The following LY6K variants were observed in gnomAD, a reference collection of about 807,000 sequenced individuals.
LY6K encodes the protein lymphocyte antigen 6K.
Under a neutral mutation model 10.4 loss-of-function variants are expected in LY6K, and 9 were observed. That is an observed-to-expected ratio of 0.87 (90% confidence interval 0.52 to 1.52). The LOEUF is 1.52. Among genes scored for constraint, LY6K ranks in the 40% most tolerant of loss-of-function variants. The pLI is 0.00. For missense variants in LY6K, 217 were observed against 211.7 expected (o/e 1.02, Z -0.15); for synonymous variants, 98 against 83.7 (o/e 1.17, Z -0.94).
At position 142,700,365 on chromosome 8, in the gene LY6K, A is replaced by G; in HGVS notation, c.-163A>G. 7.5e-7 allele frequency: 1 copy of G among 1,331,602 alleles called. No individual in the cohort carries two copies. The highest frequency in any genetic ancestry group is 2.8e-4 in the Middle Eastern group (1 of 3,528). 82.5% of individuals were successfully genotyped at this position (1,331,602 alleles called of 1,614,324 possible). A position where few individuals can be genotyped will look rare whatever the true frequency, so the allele number is the denominator to read the frequency against. ...CGCGAGGCCCTGAGATGAGGCTCCA[A>G]AGACCCCGACAGGCCCCGGCGGGTG... On this transcript the variant is annotated 5_prime_UTR_variant, in exon 1 of 3. Coordinates refer to ENST00000292430, the MANE Select transcript of LY6K (RefSeq NM_017527.4).
chr8:142,701,571 TCTG>T, intron 1 of LY6K, 26 bp from the exon 2 acceptor site: 5 of 1,471,706 alleles, frequency 3.4e-6, no homozygotes, highest in Non-Finnish European at 4.8e-6. Flanking sequence ...ACTGGAACAT[TCTG>T]CTTTCTTTTT....
rs1434263765 is a variant in LY6K at position 142,704,609 on chromosome 8, C to G, written c.*1238C>G. 2 of 152,152 alleles carry G rather than the reference C, an allele frequency of 1.3e-5. No individual in the cohort carries two copies. Among genetic ancestry groups the G allele is most frequent in the African/African-American group, 4.8e-5 (2 of 41,432 alleles). The allele number at this position is 152,152 out of a possible 1,614,324, so 9.4% of individuals were successfully genotyped here. A position where few individuals can be genotyped will look rare whatever the true frequency, so the allele number is the denominator to read the frequency against. ...ATAATAAGATGTTACTGTTCTTTGG[C>G]CCTCCAGAAAGTCAATAAGCAAGAT... On this transcript the variant is annotated 3_prime_UTR_variant, in exon 3 of 3. Coordinates refer to ENST00000292430, the MANE Select transcript of LY6K (RefSeq NM_017527.4).
Position 142,703,456 on chromosome 8 carries a change from G to A in LY6K, c.*85G>A. 3 of 1,491,792 alleles carry A rather than the reference G, an allele frequency of 2.0e-6. No homozygotes were observed. Among genetic ancestry groups the A allele is most frequent in the Non-Finnish European group, 2.7e-6 (3 of 1,119,584 alleles). 92.4% of individuals were successfully genotyped at this position (1,491,792 alleles called of 1,614,324 possible). On this transcript the variant is annotated 3_prime_UTR_variant, in exon 3 of 3. Transcript: ENST00000292430. ...ACCTGTTGCATTAAACTTGTTTTCT[G>A]TTGATTACCTCTTGGTTTGACTTCC...
chr8:142,701,576 T>C (rs1554640116), intron 1 of LY6K, 24 bp from the exon 2 acceptor site: 1 of 1,501,988 alleles, frequency 6.7e-7, no homozygotes, highest in Non-Finnish European at 9.3e-7. Context: ...AACATTCTGC[T>C]TTCTTTTTTA....
chr8:142,701,129 C>T (rs1446459855), intron 1 of LY6K, among the ~76,000 whole-genome samples: 2 of 151,794 alleles, frequency 1.3e-5, no homozygotes, highest in Non-Finnish European at 2.9e-5. Flanking sequence ...TGCCAGGGCC[C>T]GTGGGTGCCG....
Position 142,703,253 on chromosome 8 carries a change from C to G in LY6K, c.380C>G (p.Pro127Arg), listed in dbSNP as rs138516348. The G allele has an allele frequency of 5.1e-5, 82 of 1,614,060 alleles. No homozygotes were observed. The highest frequency in any genetic ancestry group is 1.2e-4 in the Admixed American group (7 of 60,002). ...CGCTACTGCAATTTAGAGGGGCCAC[C>G]TATCAACTCATCAGTGTTCAAAGAA... ...KIRYCNLEGP[P>R]INSSVFKEYA... Residue 127 changes from proline to arginine, a missense_variant, in exon 3 of 3, where the codon CCT becomes CGT. Transcript: ENST00000292430.
At chr8:142,700,886 C>T (rs1389614323) in intron 1 of LY6K, among the ~76,000 whole-genome samples, 1 of 152,106 alleles carries the variant, frequency 6.6e-6, no homozygotes, top group African/African-American at 2.4e-5. Context: ...GCTGCAGGCT[C>T]CCGCCGGCCT....
chr8:142,702,558 G>A (rs1239269309), intron 2 of LY6K: 15 of 1,535,538 alleles, frequency 9.8e-6, no homozygotes, highest in East Asian at 4.9e-5. Flanking sequence ...CCAGCCCTTC[G>A]GTATCCACGA....
At position 142,700,468 on chromosome 8, in the gene LY6K, T is replaced by C. The variant is rs1814959936; in HGVS notation, c.-60T>C. The C allele has an allele frequency of 8.5e-6, 13 of 1,522,894 alleles. No homozygotes were observed. The highest frequency in any genetic ancestry group is 1.1e-5 in the Non-Finnish European group (13 of 1,137,212). The allele number at this position is 1,522,894 out of a possible 1,614,324, so 94.3% of individuals were successfully genotyped here. A position where few individuals can be genotyped will look rare whatever the true frequency, so the allele number is the denominator to read the frequency against. ...GAGAGGCGCGCGGAGGCTGCGAAGG[T>C]TCCAGAAGGGCGGGGAGGGGGCGCC... is the stretch of plus-strand genomic sequence containing the variant. On this transcript the variant is annotated 5_prime_UTR_variant, in exon 1 of 3. Transcript: ENST00000292430.
In LY6K at chr8:142,700,385, C is replaced by G. The variant is rs11555702; in HGVS notation, c.-143C>G. 25 of 1,343,028 alleles carry G rather than the reference C, an allele frequency of 1.9e-5. No homozygotes were observed. Among genetic ancestry groups the G allele is most frequent in the Non-Finnish European group, 2.3e-5 (24 of 1,051,478 alleles). 83.2% of individuals were successfully genotyped at this position (1,343,028 alleles called of 1,614,324 possible). On this transcript the variant is annotated 5_prime_UTR_variant, in exon 1 of 3. Transcript: ENST00000292430. ...CTCCAAAGACCCCGACAGGCCCCGG[C>G]GGGTGGGAGGCGCGCGCCCCGGGGC...
intron 2 of LY6K, chr8:142,702,732 C>T (rs1448422169): frequency 1.3e-6 from 2 of 1,491,630 alleles, no homozygotes; most frequent in African/African-American, 1.4e-5. Flanking sequence ...GAGGCCAGCT[C>T]CACACCCTGG....
intron 2 of LY6K, chr8:142,702,500 G>A: frequency 2.0e-6 from 3 of 1,535,636 alleles, no homozygotes; most frequent in Non-Finnish European, 2.6e-6. Context: ...CTGCCCACAG[G>A]GAGATCTTCA....
At chr8:142,701,194 C>T (rs587775669) in intron 1 of LY6K, among the ~76,000 whole-genome samples, 2 of 152,316 alleles carry the variant, frequency 1.3e-5, no homozygotes, top group Non-Finnish European at 2.9e-5. Flanking sequence ...GCTGTGCGCT[C>T]ATGTTGTGTG....
At position 142,703,194 on chromosome 8, in the gene LY6K, C is replaced by T; in HGVS notation, c.321C>T (p.Pro107=). The T allele has an allele frequency of 3.7e-6, 6 of 1,614,202 alleles. No homozygotes were observed. The highest frequency in any genetic ancestry group is 4.5e-5 in the East Asian group (2 of 44,886). Reference sequence around the variant, plus strand: ...AGAAGCGGTTTCTCCTGGAAGAGCCCATGCCCTTCTTTTACCTCAAGTGTT... The same window carrying T: ...AGAAGCGGTTTCTCCTGGAAGAGCCTATGCCCTTCTTTTACCTCAAGTGTT... ...PEEKRFLLEE[P]MPFFYLKCCK... The change falls in exon 3 of 3, where the codon CCC becomes CCT. Residue 107 remains proline (P), a synonymous_variant. Transcript: ENST00000292430.
At chr8:142,700,927 G>A (rs1197628849) in intron 1 of LY6K, among the ~76,000 whole-genome samples, 1 of 152,008 alleles carries the variant, frequency 6.6e-6, no homozygotes, top group Non-Finnish European at 1.5e-5. Context: ...GCTGAGAACC[G>A]TTCAAGCTGC....
chr8:142,702,126 T>C, intron 2 of LY6K: 1 of 281,970 alleles, frequency 3.5e-6, no homozygotes, highest in Non-Finnish European at 6.7e-6. Flanking sequence ...CCCTTTAAAA[T>C]GTGAAGAGCA....
intron 2 of LY6K, chr8:142,702,428 C>A: frequency 6.9e-7 from 1 of 1,456,390 alleles, no homozygotes. Context: ...ATCTGTGATT[C>A]CCCTGAAAAC....
intron 1 of LY6K, among the ~76,000 whole-genome samples, 187 bp downstream of exon 1, chr8:142,700,817 AGC>A (rs1297951699): frequency 6.6e-6 from 1 of 151,966 alleles, no homozygotes; most frequent in Admixed American, 6.5e-5. Context: ...GGGCAGCCTG[AGC>A]CCGGCCCTTC....
Position 142,700,420 on chromosome 8 carries a change from T to C in LY6K, c.-108T>C, listed in dbSNP as rs1554639888. ...GCGCGCGCCCCGGGGCGGGCGGGGC[T>C]CCCCCTACCGGCCAGACCCGGGGAG... On this transcript the variant is annotated 5_prime_UTR_variant, in exon 1 of 3. Transcript: ENST00000292430. 2.2e-6 allele frequency: 3 copies of C among 1,367,732 alleles called. No individual in the cohort carries two copies. Among genetic ancestry groups the C allele is most frequent in the South Asian group, 1.7e-5 (1 of 60,414 alleles). The allele number at this position is 1,367,732 out of a possible 1,614,324, so 84.7% of individuals were successfully genotyped here.
Sources: allele counts gnomAD v4.1 joint callset (sites outside exome capture counted in the v4.1 genomes callset), GRCh38; gene constraint gnomAD v4.1.1; transcripts MANE v1.5; gene names NCBI Gene and HGNC (gene_info 2026-07-23, HGNC 2026-07-21).